DYNC2LI1: variants seen among roughly 807,000 people sequenced by gnomAD.
DYNC2LI1 encodes the protein cytoplasmic dynein 2 light intermediate chain 1.
A neutral mutation model predicts 51.9 loss-of-function variants in DYNC2LI1; 45 were observed. The ratio of observed to expected loss-of-function variants is 0.87; its 90% confidence interval spans 0.68 to 1.11. The LOEUF is 1.11. Ranked by LOEUF, DYNC2LI1 falls within the 50% of genes most tolerant of loss-of-function variation. The probability of loss-of-function intolerance (pLI) is 0.00; values close to 1 mark genes in which losing one functional copy is unlikely to be tolerated. For missense variants in DYNC2LI1, 490 were observed against 417.4 expected (o/e 1.17, Z -1.51); for synonymous variants, 130 against 137.8 (o/e 0.94, Z 0.40).
At chr2:43,810,831 A>T (rs950517152), downstream of DYNC2LI1, among the ~76,000 whole-genome samples, 6 of 152,216 alleles carry the variant, frequency 3.9e-5, no homozygotes, top group East Asian at 5.8e-4. Flanking sequence ...AGTGAACATT[A>T]TGATCTCAGA....
rs569473831 is a variant in DYNC2LI1 at position 43,782,849 on chromosome 2, G to A, written c.127-671G>A. ...ATACAAAAATTACCCAGGCATGGTGGTGTGCACCTGTAATCCCAGCTACTT... is the reference window on the plus strand; with the variant it reads ...ATACAAAAATTACCCAGGCATGGTGATGTGCACCTGTAATCCCAGCTACTT... On this transcript the variant is annotated intron_variant, in intron 2 of 12. Coordinates refer to ENST00000260605, the MANE Select transcript of DYNC2LI1 (RefSeq NM_016008.4). 4.3e-4 allele frequency among the ~76,000 whole-genome samples: 66 copies of A among 152,148 alleles called. 1 individual carries two copies. Among genetic ancestry groups the A allele is most frequent in the Admixed American group, 2.0e-4 (3 of 15,266 alleles).
At chr2:43,824,467 T>C in the DYNC2LI1 span, 1 of 1,609,830 alleles carries the variant, frequency 6.2e-7, no homozygotes, top group Non-Finnish European at 8.5e-7. Flanking sequence ...CACCCATGTG[T>C]TTTTAAATGC....
intron 5 of DYNC2LI1, among the ~76,000 whole-genome samples, chr2:43,791,412 T>G (rs1204886637): frequency 6.6e-6 from 1 of 152,086 alleles, no homozygotes; most frequent in South Asian, 2.1e-4. Flanking sequence ...GTTGTGGAAA[T>G]TCTAGGTTCT....
chr2:43,826,473 G>T, the DYNC2LI1 span: 2 of 1,614,176 alleles, frequency 1.2e-6, no homozygotes, highest in Non-Finnish European at 8.5e-7. Flanking sequence ...AATCTGATTA[G>T]CAGTCATGCA....
chr2:43,776,928 G>A (rs1194435929), intron 2 of DYNC2LI1, 29 bp downstream of exon 2: 2 of 1,153,534 alleles, frequency 1.7e-6, no homozygotes, highest in Non-Finnish European at 2.6e-6. Context: ...CAATTATTGT[G>A]ATGATTTAAC....
At chr2:43,815,218 A>G in the DYNC2LI1 span, among the ~76,000 whole-genome samples, 6 of 152,326 alleles carry the variant, frequency 3.9e-5, no homozygotes, top group South Asian at 4.1e-4. Context: ...CTCCTCTCCA[A>G]TCTATTTCAG....
At chr2:43,790,526 G>T (rs1055018733) in intron 5 of DYNC2LI1, among the ~76,000 whole-genome samples, 1 of 150,474 alleles carries the variant, frequency 6.6e-6, no homozygotes, top group Non-Finnish European at 1.5e-5. Flanking sequence ...GGCTGGATAC[G>T]GTTGGTTTTA....
At chr2:43,781,922 A>T (rs1673305597) in intron 2 of DYNC2LI1, among the ~76,000 whole-genome samples, 1 of 152,126 alleles carries the variant, frequency 6.6e-6, no homozygotes, top group African/African-American at 2.4e-5. Flanking sequence ...ATTTTCTTAA[A>T]AACTTTAATT....
At chr2:43,793,080 A>G (rs1673864686) in intron 5 of DYNC2LI1, 3 of 231,202 alleles carry the variant, frequency 1.3e-5, no homozygotes, top group Non-Finnish European at 2.5e-5. Context: ...TCACTATACT[A>G]TTTTACACAG....
chr2:43,796,730 G>A lies in DYNC2LI1; in HGVS notation c.589G>A (p.Glu197Lys), dbSNP rs768786748. Reference sequence around the variant, plus strand: ...CATATTTCTACAGGATTTTGAGTCTGAGAAGAGAAAGGTAATATGCAAGAC... The same window carrying A: ...CATATTTCTACAGGATTTTGAGTCTAAGAAGAGAAAGGTAATATGCAAGAC... ...KYDVFQDFES[E>K]KRKVICKTLR... Residue 197 changes from glutamate (E) to lysine (K), a missense_variant, in exon 8 of 13, where the codon GAG becomes AAG. By Grantham distance (56) the Glu-to-Lys change is moderately conservative. Transcript: ENST00000260605. 6 of 1,612,448 alleles carry A rather than the reference G, an allele frequency of 3.7e-6. No homozygotes were observed. Among genetic ancestry groups the A allele is most frequent in the Non-Finnish European group, 5.1e-6 (6 of 1,178,816 alleles).
intron 7 of DYNC2LI1, among the ~76,000 whole-genome samples, chr2:43,796,315 A>G (rs546946163): frequency 2.0e-3 from 295 of 149,754 alleles, no homozygotes; most frequent in Non-Finnish European, 3.4e-3. Flanking sequence ...CCTGGGTTAC[A>G]CAGTGAGACA....
chr2:43,804,730 T>A lies in DYNC2LI1; in HGVS notation c.891T>A (p.Phe297Leu), dbSNP rs998749862. ...ELWKKVYEKL[F>L]PPKSINTLKD... is the part of the protein sequence containing the mutation. ...GGAAAAAAGTGTATGAAAAGCTCTT[T>A]CCACCAAAGGTACATATTTCTAATT... The change falls in exon 11 of 13, where the codon TTT becomes TTA. Residue 297 changes from phenylalanine (F) to leucine (L), a missense_variant. Coordinates refer to ENST00000260605, the MANE Select transcript of DYNC2LI1 (RefSeq NM_016008.4). 3 of 1,600,744 alleles carry A rather than the reference T, an allele frequency of 1.9e-6. No homozygotes were observed. The African/African-American group carries it at 4.0e-5, about 22-fold the overall frequency.
chr2:43,824,538 A>G, the DYNC2LI1 span: 1 of 1,591,872 alleles, frequency 6.3e-7, no homozygotes, highest in Non-Finnish European at 8.5e-7. Flanking sequence ...TCATCCCATC[A>G]AGATAAAATT....
At chr2:43,777,999 A>T (rs1245702018) in intron 2 of DYNC2LI1, among the ~76,000 whole-genome samples, 1 of 152,232 alleles carries the variant, frequency 6.6e-6, no homozygotes, top group African/African-American at 2.4e-5. Flanking sequence ...GTAAAATTCT[A>T]ATCACTTAAT....
downstream of DYNC2LI1, chr2:43,810,084 A>G: frequency 1.5e-5 from 9 of 586,342 alleles, no homozygotes; most frequent in Non-Finnish European, 2.0e-5. Flanking sequence ...TATAAAAGTA[A>G]GAGTATTTGG....
At chr2:43,787,361 A>G in intron 4 of DYNC2LI1, 111 bp downstream of exon 4, 1 of 874,804 alleles carries the variant, frequency 1.1e-6, no homozygotes, top group Non-Finnish European at 1.8e-6. Context: ...ACCCAGTTGT[A>G]CACTTCGTAG....
At chr2:43,827,521 C>A in the DYNC2LI1 span, among the ~76,000 whole-genome samples, 1 of 152,096 alleles carries the variant, frequency 6.6e-6, no homozygotes, top group East Asian at 1.9e-4. Flanking sequence ...CCAAACCTGG[C>A]AGAGGACTGA....
chr2:43,801,582 G>T (rs1204859058), intron 9 of DYNC2LI1, 57 bp from the exon 10 acceptor site: 2 of 1,278,762 alleles, frequency 1.6e-6, no homozygotes, highest in African/African-American at 1.5e-5. Flanking sequence ...TTACAGGAGA[G>T]CGTGGCAGCA....
At chr2:43,824,476 G>A in the DYNC2LI1 span, 1 of 1,602,180 alleles carries the variant, frequency 6.2e-7, no homozygotes, top group Non-Finnish European at 8.5e-7. Flanking sequence ...GTTTTTAAAT[G>A]CATGTATGTA....
Sources: gnomAD v4.1 joint callset for allele counts (sites outside exome capture counted in the v4.1 genomes callset) on GRCh38, gnomAD v4.1.1 for gene constraint, MANE v1.5 for transcripts, NCBI Gene and HGNC (gene_info 2026-07-23, HGNC 2026-07-21) for gene names.